The following DNAJC13 variants were observed in gnomAD, a reference collection of about 807,000 sequenced individuals.
DNAJC13 encodes DnaJ heat shock protein family (Hsp40) member C13.
Under a neutral mutation model 290.5 loss-of-function variants are expected in DNAJC13, and 75 were observed. That is an observed-to-expected ratio of 0.26 (90% CI 0.21 to 0.31). The LOEUF is 0.31. Among genes scored for constraint, DNAJC13 ranks in the 10% least tolerant of loss-of-function variants. DNAJC13 has a pLI of 1.00. For missense variants in DNAJC13, 2,260 were observed against 2,674.5 expected (o/e 0.85, Z 3.42); for synonymous variants, 862 against 892.0 (o/e 0.97, Z 0.60).
intron 29 of DNAJC13, among the ~76,000 whole-genome samples, chr3:132,486,561 A>C (rs1934884676): frequency 6.6e-6 from 1 of 152,178 alleles, no homozygotes; most frequent in African/African-American, 2.4e-5. Flanking sequence ...TATATTGATA[A>C]ATCTAGCTTC....
chr3:132,432,524 T>A (rs1939268843), intron 1 of DNAJC13, among the ~76,000 whole-genome samples: 1 of 152,136 alleles, frequency 6.6e-6, no homozygotes, highest in African/African-American at 2.4e-5. Context: ...TTTTTTAGAG[T>A]GCATTTCTAA....
intron 25 of DNAJC13, among the ~76,000 whole-genome samples, chr3:132,479,740 A>G (rs1934606202): frequency 6.6e-6 from 1 of 152,124 alleles, no homozygotes; most frequent in Non-Finnish European, 1.5e-5. Context: ...AGACATTTTA[A>G]TAGGTTCATG....
At chr3:132,473,884 A>C (rs1366773800) in intron 21 of DNAJC13, among the ~76,000 whole-genome samples, 1 of 152,204 alleles carries the variant, frequency 6.6e-6, no homozygotes, top group African/African-American at 2.4e-5. Context: ...CCTTAAGTAT[A>C]TGCCTTGGAT....
chr3:132,515,304 C>T (rs1377748784), intron 46 of DNAJC13, among the ~76,000 whole-genome samples: 2 of 152,146 alleles, frequency 1.3e-5, no homozygotes, highest in African/African-American at 2.4e-5. Context: ...TTGCCAATCC[C>T]TTTGAAGTCA....
intron 14 of DNAJC13, 143 bp from the exon 15 acceptor site, chr3:132,460,907 C>T: frequency 1.3e-6 from 1 of 744,902 alleles, no homozygotes; most frequent in South Asian, 2.0e-5. Context: ...AAGAGTCATC[C>T]AACTTTGAAC....
At chr3:132,500,959 CTT>C in intron 39 of DNAJC13, 46 bp downstream of exon 39, 1 of 1,601,142 alleles carries the variant, frequency 6.2e-7, no homozygotes, top group South Asian at 1.1e-5. Flanking sequence ...AGCAAAGTGT[CTT>C]TTTGTCAACT....
At chr3:132,437,854 G>A (rs6798851) in intron 2 of DNAJC13, among the ~76,000 whole-genome samples, 19,273 of 151,430 alleles carry the variant, frequency 0.13, 1,385 homozygotes, top group South Asian at 0.23. Context: ...ACAGCTGCCC[G>A]GCCTGACCAG....
chr3:132,433,829 A>G (rs994830331), intron 1 of DNAJC13, among the ~76,000 whole-genome samples: 12 of 152,244 alleles, frequency 7.9e-5, no homozygotes, highest in African/African-American at 2.4e-4. Flanking sequence ...CTCAAGAAAC[A>G]CAGTCCAGTG....
rs1933830253 is a variant in DNAJC13 at position 132,462,456 on chromosome 3, T to A, written c.1714-11T>A. ...TTTATTTTTTGATACTTTTTCCCCCTCACTTTAAAGCATCCTTCCATGGCA... is the reference window on the plus strand; with the variant it reads ...TTTATTTTTTGATACTTTTTCCCCCACACTTTAAAGCATCCTTCCATGGCA... On this transcript the variant is annotated splice_polypyrimidine_tract_variant and intron_variant, in intron 15 of 55. Transcript: ENST00000260818. 1.2e-6 allele frequency: 2 copies of A among 1,606,982 alleles called. No homozygotes were observed. The highest frequency in any genetic ancestry group is 1.7e-6 in the Non-Finnish European group (2 of 1,177,708).
At chr3:132,419,845 A>G (rs1384416662) in intron 1 of DNAJC13, among the ~76,000 whole-genome samples, 1 of 152,192 alleles carries the variant, frequency 6.6e-6, no homozygotes, top group Admixed American at 6.5e-5. Context: ...TCTCAACTTT[A>G]TTAGACCCAA....
intron 33 of DNAJC13, 73 bp downstream of exon 33, chr3:132,492,688 C>A: frequency 7.5e-7 from 1 of 1,324,964 alleles, no homozygotes; most frequent in Non-Finnish European, 1.1e-6. Context: ...GTATTTTGTC[C>A]TCCTGCAGTA....
chr3:132,492,357 A>G, intron 32 of DNAJC13, 57 bp from the exon 33 acceptor site: 2 of 1,549,904 alleles, frequency 1.3e-6, no homozygotes, highest in East Asian at 2.2e-5. Context: ...ATGTATCTCA[A>G]CCTTCTCTTT....
Position 132,538,299 on chromosome 3 carries a change from A to G in DNAJC13, c.*17A>G. ...CAGACTTGAAATATTCACGAGAGAC[A>G]ATAAACGCTGAAAGGCCAGTGCCAA... On this transcript the variant is annotated 3_prime_UTR_variant, in exon 56 of 56. Transcript: ENST00000260818. 1 of 1,605,208 alleles carries G rather than the reference A, an allele frequency of 6.2e-7. No individual in the cohort carries two copies. The highest frequency in any genetic ancestry group is 1.1e-5 in the South Asian group (1 of 90,514).
intron 2 of DNAJC13, among the ~76,000 whole-genome samples, chr3:132,440,459 C>G (rs1933025319): frequency 6.6e-6 from 1 of 152,192 alleles, no homozygotes; most frequent in African/African-American, 2.4e-5. Context: ...TATTTCTTTT[C>G]TCACATTGTG....
intron 18 of DNAJC13, 92 bp from the exon 19 acceptor site, chr3:132,466,207 T>A: frequency 2.1e-6 from 3 of 1,448,548 alleles, no homozygotes; most frequent in Non-Finnish European, 2.8e-6. Context: ...AGTTTTACCC[T>A]CAATAGCTAA....
Position 132,456,341 on chromosome 3 carries a change from A to G in DNAJC13, c.1039A>G (p.Ser347Gly), listed in dbSNP as rs1933597105. 1 of 1,614,008 alleles carries G rather than the reference A, an allele frequency of 6.2e-7. No individual in the cohort carries two copies. Among genetic ancestry groups the G allele is most frequent in the African/African-American group, 1.3e-5 (1 of 75,036 alleles). Residue 347 changes from serine (S) to glycine (G), a missense_variant, in exon 10 of 56, where the codon AGC becomes GGC. This residue lies in a region of DNAJC13 where 762 missense variants were observed against 964.1 expected (regional missense o/e 0.79). Coordinates refer to ENST00000260818, the MANE Select transcript of DNAJC13 (RefSeq NM_015268.4). The part of the protein sequence containing the change: ...THKGQRWGLL[S>G]MPVDEEVESL... The stretch of plus-strand genomic sequence containing the variant: ...TAAAGGTCAGCGATGGGGGTTACTC[A>G]GCATGCCTGTTGATGAGGAAGTAGA...
At chr3:132,425,341 G>T (rs1349065467) in intron 1 of DNAJC13, among the ~76,000 whole-genome samples, 1 of 152,114 alleles carries the variant, frequency 6.6e-6, no homozygotes, top group Non-Finnish European at 1.5e-5. Context: ...TGTTGTAGGA[G>T]AGTTTGATCA....
intron 13 of DNAJC13, chr3:132,458,051 G>A (rs900297496): frequency 6.6e-6 from 1 of 152,128 alleles, no homozygotes; most frequent in African/African-American, 2.4e-5. Flanking sequence ...GGTAGTATGT[G>A]GAGAATAGAA....
chr3:132,472,593 G>T (rs73215995), intron 20 of DNAJC13: 25,641 of 985,076 alleles, frequency 0.026, 828 homozygotes, highest in African/African-American at 0.15. Context: ...TTCCTGCTAC[G>T]TGTGTGAAAT....
Sources: allele counts gnomAD v4.1 joint callset (sites outside exome capture counted in the v4.1 genomes callset), GRCh38; gene constraint gnomAD v4.1.1; regional missense constraint gnomAD v4.1.1; transcripts MANE v1.5; gene names NCBI Gene and HGNC (gene_info 2026-07-23, HGNC 2026-07-21).